The following EIF2AK3 variants were observed in gnomAD, a reference collection of about 807,000 sequenced individuals.
EIF2AK3 encodes the protein eukaryotic translation initiation factor 2-alpha kinase 3.
A neutral mutation model predicts 113.5 loss-of-function variants in EIF2AK3; 50 were observed. The observed-to-expected ratio is 0.44, with a 90% confidence interval of 0.35 to 0.56. The LOEUF (loss-of-function observed/expected upper bound fraction) is 0.56. Among genes scored for constraint, EIF2AK3 ranks in the 20% least tolerant of loss-of-function variants. The pLI is 0.00. For synonymous variants in EIF2AK3, 448 were observed against 495.4 expected (o/e 0.90, Z 1.27); for missense variants, 1,185 against 1,378.0 (o/e 0.86, Z 2.22).
At chr2:88,605,337 G>C (rs1675245254) in intron 2 of EIF2AK3, among the ~76,000 whole-genome samples, 1 of 152,086 alleles carries the variant, frequency 6.6e-6, no homozygotes, top group Non-Finnish European at 1.5e-5. Context: ...AATAACAAAA[G>C]CTTTTTGAAT....
At chr2:88,613,970 G>GT in intron 1 of EIF2AK3, 117 bp from the exon 2 acceptor site, 3 of 911,138 alleles carry the variant, frequency 3.3e-6, no homozygotes, top group Non-Finnish European at 5.0e-6. Context: ...GAAAGGAAGA[G>GT]GGGGCCTTCT....
At chr2:88,623,654 C>A (rs1041727860) in intron 1 of EIF2AK3, among the ~76,000 whole-genome samples, 2 of 152,138 alleles carry the variant, frequency 1.3e-5, no homozygotes. Context: ...ACAGAATTAC[C>A]GGTCTATTAT....
intron 2 of EIF2AK3, among the ~76,000 whole-genome samples, chr2:88,602,955 A>C (rs939647993): frequency 1.5e-4 from 23 of 152,138 alleles, no homozygotes; most frequent in African/African-American, 5.6e-4. Context: ...CCTGGAACTT[A>C]AAGTAAAAAA....
Position 88,557,820 on chromosome 2 carries a change from T to A in EIF2AK3, c.3267A>T (p.Arg1089Ser). 1 of 1,614,182 alleles carries A rather than the reference T, an allele frequency of 6.2e-7. No individual in the cohort carries two copies. The change falls in exon 17 of 17, where the codon AGA becomes AGT. Residue 1089 changes from arginine to serine, a missense_variant. By Grantham distance (110) the Arg-to-Ser change is moderately radical. Coordinates refer to ENST00000303236, the MANE Select transcript of EIF2AK3 (RefSeq NM_004836.7). The stretch of plus-strand genomic sequence containing the variant: ...ATGAACTCAAGGAGCGAGACCTCTG[T>A]CTGAGCACTGTTTTTCCTGGAAAGT... The part of the protein sequence containing the change: ...DLDFPGKTVL[R>S]QRSRSLSSSG...
intron 11 of EIF2AK3, among the ~76,000 whole-genome samples, chr2:88,576,904 C>G (rs1674475417): frequency 6.6e-6 from 1 of 151,734 alleles, no homozygotes. Context: ...GTATTCATAT[C>G]TAATAGTGAA....
Position 88,557,779 on chromosome 2 carries a change from G to A in EIF2AK3, c.3308C>T (p.Ser1103Leu). The stretch of plus-strand genomic sequence containing the variant: ...GCTATGGGAGTTGTTGGACTGTCTT[G>A]AATGTTTTGTTCCCGATGAACTCAA... ...RSLSSSGTKHSRQSNNSHSPL... is the reference protein window; with the variant it reads ...RSLSSSGTKHLRQSNNSHSPL... The change falls in exon 17 of 17, where the codon TCA becomes TTA. Residue 1103 changes from serine (S) to leucine (L), a missense_variant. By Grantham distance (145) the Ser-to-Leu change is moderately radical. Transcript: ENST00000303236. 6.2e-7 allele frequency: 1 copy of A among 1,614,142 alleles called. No individual in the cohort carries two copies. The highest frequency in any genetic ancestry group is 8.5e-7 in the Non-Finnish European group (1 of 1,180,000).
At chr2:88,601,492 C>A (rs191190473) in intron 2 of EIF2AK3, among the ~76,000 whole-genome samples, 140 of 152,316 alleles carry the variant, frequency 9.2e-4, no homozygotes, top group African/African-American at 3.2e-3. Flanking sequence ...GCCACACATT[C>A]ATTCATTTAT....
chr2:88,601,008 C>A (rs1019945467), intron 2 of EIF2AK3, among the ~76,000 whole-genome samples: 2 of 152,190 alleles, frequency 1.3e-5, no homozygotes, highest in Non-Finnish European at 1.5e-5. Context: ...CCAGTTCCAA[C>A]AATTATCAAC....
chr2:88,608,707 T>A, intron 2 of EIF2AK3, among the ~76,000 whole-genome samples: 1 of 123,118 alleles, frequency 8.1e-6, no homozygotes, highest in East Asian at 2.3e-4. Context: ...TTTCTTTTTT[T>A]TTTTTTTTTT....
intron 15 of EIF2AK3, among the ~76,000 whole-genome samples, chr2:88,561,638 T>G (rs1673962280): frequency 6.6e-6 from 1 of 152,168 alleles, no homozygotes; most frequent in African/African-American, 2.4e-5. Context: ...GAGGATCACT[T>G]GAGCCCAGGA....
At chr2:88,616,664 T>C (rs1276057163) in intron 1 of EIF2AK3, among the ~76,000 whole-genome samples, 1 of 151,952 alleles carries the variant, frequency 6.6e-6, no homozygotes, top group Non-Finnish European at 1.5e-5. Flanking sequence ...TGACCTGAGG[T>C]GATCCGCCCA....
chr2:88,583,552 T>A lies in EIF2AK3; in HGVS notation c.1651-10A>T. On this transcript the variant is annotated splice_polypyrimidine_tract_variant and intron_variant, in intron 9 of 16. Transcript: ENST00000303236. Reference sequence around the variant, plus strand: ...CAGACTCCTTCCTTTGCTGATAAGGTGAAAAACAAAATCACTACCAGTACA... The same window carrying A: ...CAGACTCCTTCCTTTGCTGATAAGGAGAAAAACAAAATCACTACCAGTACA... 1.2e-6 allele frequency: 2 copies of A among 1,604,790 alleles called. No homozygotes were observed. The highest frequency in any genetic ancestry group is 2.7e-5 in the African/African-American group (2 of 74,764).
rs924302465 is a variant in EIF2AK3, at chr2:88,576,021, G to A, written c.2036+533C>T. On this transcript the variant is annotated intron_variant, in intron 12 of 16. Coordinates refer to ENST00000303236, the MANE Select transcript of EIF2AK3 (RefSeq NM_004836.7). ...TCCTATAGCACATCATAGTTAATATGGACAATATATTCAGGCTAAGTTTAT... is the reference window on the plus strand; with the variant it reads ...TCCTATAGCACATCATAGTTAATATAGACAATATATTCAGGCTAAGTTTAT... 5.3e-5 allele frequency among the ~76,000 whole-genome samples: 8 copies of A among 152,166 alleles called. No homozygotes were observed. In the East Asian group the frequency reaches 1.4e-3, roughly 26 times the overall value.
chr2:88,598,540 A>G (rs1013695689), intron 2 of EIF2AK3, among the ~76,000 whole-genome samples: 1 of 152,174 alleles, frequency 6.6e-6, no homozygotes, highest in African/African-American at 2.4e-5. Flanking sequence ...AGGCAAGCAC[A>G]AAGTAAGGAA....
At chr2:88,589,482 ATTT>A (rs1004311646) in intron 6 of EIF2AK3, among the ~76,000 whole-genome samples, 3 of 152,042 alleles carry the variant, frequency 2.0e-5, no homozygotes, top group African/African-American at 7.2e-5. Flanking sequence ...CCAGAGTTTT[ATTT>A]TTTAGATCAG....
chr2:88,601,666 C>T (rs936922503), intron 2 of EIF2AK3, among the ~76,000 whole-genome samples: 1 of 152,086 alleles, frequency 6.6e-6, no homozygotes, highest in African/African-American at 2.4e-5. Flanking sequence ...AATGATGTTA[C>T]TATCAATCAC....
chr2:88,563,420 ACTT>A (rs1674017787), intron 14 of EIF2AK3, among the ~76,000 whole-genome samples: 1 of 152,178 alleles, frequency 6.6e-6, no homozygotes, highest in South Asian at 2.1e-4. Context: ...ACCCTGTCTC[ACTT>A]CTTATCCCTG....
At chr2:88,605,583 G>A (rs1193383211) in intron 2 of EIF2AK3, among the ~76,000 whole-genome samples, 1 of 152,038 alleles carries the variant, frequency 6.6e-6, no homozygotes, top group Non-Finnish European at 1.5e-5. Flanking sequence ...AACTCTAACG[G>A]ATTGAAAGTA....
At chr2:88,579,317 T>C (rs1228063278) in intron 11 of EIF2AK3, among the ~76,000 whole-genome samples, 1 of 152,212 alleles carries the variant, frequency 6.6e-6, no homozygotes, top group East Asian at 1.9e-4. Context: ...CAAGGGCATA[T>C]TTTAAAAGTA....
Sources: allele counts gnomAD v4.1 joint callset (sites outside exome capture counted in the v4.1 genomes callset), GRCh38; gene constraint gnomAD v4.1.1; transcripts MANE v1.5; gene names NCBI Gene and HGNC (gene_info 2026-07-23, HGNC 2026-07-21).